Variants in TMEM94 observed in about 807,000 individuals in gnomAD.
TMEM94 encodes the protein transmembrane protein 94.
Under a neutral mutation model 158.6 loss-of-function variants are expected in TMEM94, and 81 were observed. The ratio of observed to expected loss-of-function variants is 0.51; its 90% confidence interval spans 0.43 to 0.61. The LOEUF is 0.61. TMEM94 is among the 20% of genes least tolerant of loss of function. TMEM94 has a pLI of 0.00. For missense variants in TMEM94, 1,435 were observed against 1,762.0 expected (o/e 0.81, Z 3.32); for synonymous variants, 751 against 730.7 (o/e 1.03, Z -0.45).
chr17:75,458,623 C>T (rs190622048), intron 1 of TMEM94, among the ~76,000 whole-genome samples: 22 of 149,918 alleles, frequency 1.5e-4, no homozygotes, highest in Admixed American at 1.3e-3. Flanking sequence ...CCCAGAAGGT[C>T]GACGCTGCAG....
In TMEM94 at chr17:75,493,682, G is replaced by C. The variant is rs369698854; in HGVS notation, c.2190-17G>C. On this transcript the variant is annotated splice_polypyrimidine_tract_variant and intron_variant, in intron 17 of 31. Coordinates refer to ENST00000314256, the MANE Select transcript of TMEM94 (RefSeq NM_014738.6). ...AGGCAGGAACACTCACCTCACCTCC[G>C]CCTGCTTCCCTGGCAGAAAGAAAGT... 13 of 1,613,668 alleles carry C rather than the reference G, an allele frequency of 8.1e-6. No individual in the cohort carries two copies. The South Asian group carries it at 1.3e-4, about 16-fold the overall frequency.
chr17:75,468,830 G>T (rs2050396572), intron 1 of TMEM94, among the ~76,000 whole-genome samples: 1 of 152,072 alleles, frequency 6.6e-6, no homozygotes, highest in Non-Finnish European at 1.5e-5. Context: ...GTCAGTTCTG[G>T]GTTTCTGCCT....
chr17:75,467,422 A>G (rs1021792716), intron 1 of TMEM94, among the ~76,000 whole-genome samples: 27 of 151,356 alleles, frequency 1.8e-4, no homozygotes, highest in African/African-American at 6.0e-4. Flanking sequence ...TTATTTGTAG[A>G]GTCCCTAATA....
intron 2 of TMEM94, chr17:75,476,601 T>TTCTC: frequency 6.7e-7 from 1 of 1,488,578 alleles, no homozygotes; most frequent in African/African-American, 1.4e-5. Flanking sequence ...TTCTCTCCTC[T>TTCTC]TCTCTCTCTC....
In TMEM94 at chr17:75,485,819, G is replaced by C; in HGVS notation, c.145-52G>C. On this transcript the variant is annotated intron_variant, in intron 3 of 31. Coordinates refer to ENST00000314256, the MANE Select transcript of TMEM94 (RefSeq NM_014738.6). The surrounding 1 kb of genome is among the most constrained non-coding windows in gnomAD (Gnocchi z 5.5). The stretch of plus-strand genomic sequence containing the variant: ...GGAAGGGTGCCGGGGGAGGCAGCCA[G>C]ATTGGAGTGGGACAGGCCTCTCATT... 6.4e-7 allele frequency: 1 copy of C among 1,553,824 alleles called. No individual in the cohort carries two copies. Among genetic ancestry groups the C allele is most frequent in the South Asian group, 1.2e-5 (1 of 83,086 alleles).
intron 1 of TMEM94, among the ~76,000 whole-genome samples, chr17:75,466,503 A>G (rs2050311290): frequency 6.6e-6 from 1 of 152,152 alleles, no homozygotes; most frequent in Admixed American, 6.5e-5. Flanking sequence ...TGGAAGTCCC[A>G]GCTGGGACTT....
chr17:75,494,275 C>T (rs993316775), intron 18 of TMEM94, among the ~76,000 whole-genome samples: 2 of 152,150 alleles, frequency 1.3e-5, no homozygotes, highest in Admixed American at 1.3e-4. Flanking sequence ...TGCAGAGGGG[C>T]CCAGAAGCTC....
rs1034023293 is a variant in TMEM94, at chr17:75,500,188, C to T, written c.*854C>T. ...CCTTCCTCCATCTACGCGGGTGGGT[C>T]CCTCAGGTCTGGCTCAGGCGAGACC... On this transcript the variant is annotated 3_prime_UTR_variant, in exon 32 of 32. Transcript: ENST00000314256. 3.9e-5 allele frequency: 6 copies of T among 152,316 alleles called. No homozygotes were observed. The highest frequency in any genetic ancestry group is 1.4e-4 in the African/African-American group (6 of 41,468). The allele number at this position is 152,316 out of a possible 1,614,324, so 9.4% of individuals were successfully genotyped here. A position where few individuals can be genotyped will look rare whatever the true frequency, so the allele number is the denominator to read the frequency against.
Position 75,492,966 on chromosome 17 carries a change from G to A in TMEM94, c.1950G>A (p.Glu650=), listed in dbSNP as rs1265118487. Reference sequence around the variant, plus strand: ...GGGCCAAGGAGCTTTTCAAGCAGGAGAACCATCTGGCGCTGTACCGCCTCC... The same window carrying A: ...GGGCCAAGGAGCTTTTCAAGCAGGAAAACCATCTGGCGCTGTACCGCCTCC... ...TPGAKELFKQ[E]NHLALYRLPS... is the part of the protein sequence containing the mutation. The change falls in exon 16 of 32, where the codon GAG becomes GAA. Residue 650 remains glutamate, a synonymous_variant. Transcript: ENST00000314256. The surrounding 1 kb of genome is among the most constrained non-coding windows in gnomAD (Gnocchi z 4.4). 6.2e-7 allele frequency: 1 copy of A among 1,613,658 alleles called. No homozygotes were observed. The highest frequency in any genetic ancestry group is 8.5e-7 in the Non-Finnish European group (1 of 1,179,942).
chr17:75,471,407 CTCTG>C (rs1298523627), intron 1 of TMEM94, among the ~76,000 whole-genome samples: 1 of 152,036 alleles, frequency 6.6e-6, no homozygotes, highest in Non-Finnish European at 1.5e-5. Context: ...ATGAGGCTGA[CTCTG>C]TCTGATGGTC....
chr17:75,492,910 C>G lies in TMEM94; in HGVS notation c.1913-19C>G, dbSNP rs1339154906. ...TATTGCCAGGGCATGGCCCTAAGTT[C>G]CTGTTCCCCGCCCTGCAGGCTTCAC... On this transcript the variant is annotated intron_variant, in intron 15 of 31. Coordinates refer to ENST00000314256, the MANE Select transcript of TMEM94 (RefSeq NM_014738.6). This position sits in a 1 kb window ranked among gnomAD's most constrained non-coding sequence, Gnocchi z 4.4. 1 of 1,604,238 alleles carries G rather than the reference C, an allele frequency of 6.2e-7. No individual in the cohort carries two copies. Among genetic ancestry groups the G allele is most frequent in the Non-Finnish European group, 8.5e-7 (1 of 1,173,772 alleles).
chr17:75,494,798 T>C lies in TMEM94; in HGVS notation c.2579T>C (p.Leu860Pro). 6.2e-7 allele frequency: 1 copy of C among 1,613,504 alleles called. No homozygotes were observed. Among genetic ancestry groups the C allele is most frequent in the Non-Finnish European group, 8.5e-7 (1 of 1,179,966 alleles). ...GTCTACTTCTCTTTGGAGGATGAGCTCAAAAGCAAGGTGGGGAGAGCCATC... is the reference window on the plus strand; with the variant it reads ...GTCTACTTCTCTTTGGAGGATGAGCCCAAAAGCAAGGTGGGGAGAGCCATC... Reference protein sequence around the residue: ...RFVYFSLEDELKSKVFAEKMG... With the variant: ...RFVYFSLEDEPKSKVFAEKMG... The change falls in exon 19 of 32, where the codon CTC (leucine) becomes CCC (proline). Residue 860 changes from leucine to proline, a missense_variant. Transcript: ENST00000314256.
chr17:75,463,108 A>ATATATATGTG, intron 1 of TMEM94, among the ~76,000 whole-genome samples: 1 of 12,878 alleles, frequency 7.8e-5, no homozygotes, highest in African/African-American at 1.5e-3. Flanking sequence ...ATATGTGTGT[A>ATATATATGTG]TATATATGTA....
rs1483873191 is a variant in TMEM94 at position 75,489,090 on chromosome 17, T to C, written c.765-176T>C. On this transcript the variant is annotated intron_variant, in intron 7 of 31. Transcript: ENST00000314256. The surrounding 1 kb of genome is among the most constrained non-coding windows in gnomAD (Gnocchi z 5.0). The stretch of plus-strand genomic sequence containing the variant: ...CTGAGTGGTGCCCTCTCCCAGTCTC[T>C]ACTCTGAGGGGACAGCTCTGGAGGT... 6.6e-6 allele frequency among the ~76,000 whole-genome samples: 1 copy of C among 152,222 alleles called. No homozygotes were observed. The highest frequency in any genetic ancestry group is 6.5e-5 in the Admixed American group (1 of 15,288).
chr17:75,485,700 C>T lies in TMEM94; in HGVS notation c.144+153C>T. Reference sequence around the variant, plus strand: ...ATCAGAAAGAAGCCAAGGTTCCCCTCAGAGTGGCTCCTGAGCCTGCTTGCT... The same window carrying T: ...ATCAGAAAGAAGCCAAGGTTCCCCTTAGAGTGGCTCCTGAGCCTGCTTGCT... On this transcript the variant is annotated intron_variant, in intron 3 of 31. Transcript: ENST00000314256. The surrounding 1 kb of genome is among the most constrained non-coding windows in gnomAD (Gnocchi z 5.5). 1.5e-6 allele frequency: 2 copies of T among 1,340,698 alleles called. No homozygotes were observed. The highest frequency in any genetic ancestry group is 1.4e-5 in the South Asian group (1 of 71,782). 83.1% of individuals were successfully genotyped at this position (1,340,698 alleles called of 1,614,324 possible). A position where few individuals can be genotyped will look rare whatever the true frequency, so the allele number is the denominator to read the frequency against.
At chr17:75,469,893 T>A (rs1036820875) in intron 1 of TMEM94, among the ~76,000 whole-genome samples, 70 of 151,914 alleles carry the variant, frequency 4.6e-4, no homozygotes, top group African/African-American at 1.5e-3. Flanking sequence ...ACCAACATGG[T>A]GAAACCCCGT....
chr17:75,460,049 G>T (rs957708858), intron 1 of TMEM94, among the ~76,000 whole-genome samples: 1 of 152,126 alleles, frequency 6.6e-6, no homozygotes, highest in Non-Finnish European at 1.5e-5. Flanking sequence ...CACTGAGACG[G>T]TAGTAAACAG....
chr17:75,498,385 C>T lies in TMEM94; in HGVS notation c.3639-59C>T. 1 of 1,611,322 alleles carries T rather than the reference C, an allele frequency of 6.2e-7. No individual in the cohort carries two copies. The highest frequency in any genetic ancestry group is 8.5e-7 in the Non-Finnish European group (1 of 1,178,624). ...CTCGCCTCGAGGCTTCCTCCCTCCC[C>T]ACCCCAGCCTACCTCCCTGCGGCCC... On this transcript the variant is annotated intron_variant, in intron 28 of 31. Transcript: ENST00000314256. The surrounding 1 kb of genome is among the most constrained non-coding windows in gnomAD (Gnocchi z 6.7).
chr17:75,478,966 G>A (rs769057383), intron 2 of TMEM94, among the ~76,000 whole-genome samples: 10 of 152,130 alleles, frequency 6.6e-5, no homozygotes, highest in Admixed American at 6.5e-5. Flanking sequence ...GTGTCAACCC[G>A]GATTTCTGTT....
Sources: gnomAD v4.1 joint callset for allele counts (sites outside exome capture counted in the v4.1 genomes callset) on GRCh38, gnomAD v4.1.1 for gene constraint, Gnocchi (gnomAD v3.1) non-coding constraint, MANE v1.5 for transcripts, NCBI Gene and HGNC (gene_info 2026-07-23, HGNC 2026-07-21) for gene names.